The following TTN variants were observed in gnomAD, a reference collection of about 807,000 sequenced individuals.
The protein encoded by TTN is titin.
Under a neutral mutation model 3,223.0 loss-of-function variants are expected in TTN, and 1,525 were observed. The observed-to-expected ratio is 0.47, with a 90% CI of 0.45 to 0.49. The LOEUF (loss-of-function observed/expected upper bound fraction) is 0.49. TTN is among the 20% of genes least tolerant of loss of function. The pLI is 0.00. For missense variants in TTN, 40,786 were observed against 43,424.0 expected (o/e 0.94, Z 5.40); for synonymous variants, 14,094 against 15,161.0 (o/e 0.93, Z 5.17).
intron 217 of TTN, chr2:178,644,927 T>A (rs2061701525): frequency 3.9e-6 from 1 of 253,714 alleles, no homozygotes; most frequent in Non-Finnish European, 7.5e-6. Flanking sequence ...GTGTGTGTCT[T>A]CATGGAGTGT....
At position 178,634,400 on chromosome 2, in the gene TTN, C is replaced by G. The variant is rs750100548; in HGVS notation, c.42381G>C (p.Glu14127Asp). 1.2e-6 allele frequency: 2 copies of G among 1,610,878 alleles called. No individual in the cohort carries two copies. The highest frequency in any genetic ancestry group is 2.2e-5 in the East Asian group (1 of 44,674). Residue 14127 changes from glutamate to aspartate, a missense_variant, in exon 230 of 363, where the codon GAG becomes GAC. Physicochemically the swap from Glu to Asp is conservative, Grantham distance 45. Transcript: ENST00000589042. This position sits in a 1 kb window ranked among gnomAD's most constrained non-coding sequence, Gnocchi z 4.6. ...DDEGVYTAEV[E>D]GKKTSARLFV... ...ACAACCGAGCTGAGGTCTTCTTGCC[C>G]TCCACCTCAGCAGTATAGACCCCTT...
chr2:178,617,316 A>T lies in TTN; in HGVS notation c.47760+9T>A, dbSNP rs1445050055. ...ATTGAATATTCTTTTTTATATGCAA[A>T]TGACCTACCTTGTAAGTCAGTTCAG... is the stretch of plus-strand genomic sequence containing the variant. On this transcript the variant is annotated intron_variant, in intron 254 of 362. Transcript: ENST00000589042. The T allele has an allele frequency of 1.9e-6, 3 of 1,560,764 alleles. No individual in the cohort carries two copies.
chr2:178,612,416 G>C lies in TTN; in HGVS notation c.50109C>G (p.Thr16703=). 1 of 1,612,438 alleles carries C rather than the reference G, an allele frequency of 6.2e-7. No individual in the cohort carries two copies. The highest frequency in any genetic ancestry group is 8.5e-7 in the Non-Finnish European group (1 of 1,179,188). Reference sequence around the variant, plus strand: ...CTGTGCACTTGGTGTCCTTGACAGTGGTATCCACTGTTTGCCAGCCTTTTC... The same window carrying C: ...CTGTGCACTTGGTGTCCTTGACAGTCGTATCCACTGTTTGCCAGCCTTTTC... ...VRRKGWQTVD[T]TVKDTKCTVT... Residue 16703 remains threonine, a synonymous_variant, in exon 266 of 363, where the codon ACC becomes ACG. Coordinates refer to ENST00000589042, the MANE Select transcript of TTN (RefSeq NM_001267550.2).
At position 178,663,628 on chromosome 2, in the gene TTN, T is replaced by G. The variant is rs772875826; in HGVS notation, c.36531A>C (p.Lys12177Asn). Residue 12177 changes from lysine (K) to asparagine (N), a missense_variant and splice_region_variant, in exon 171 of 363, where the codon AAA (lysine) becomes AAC (asparagine). Lys to Asn is a moderately conservative substitution (Grantham distance 94). Transcript: ENST00000589042. ...PPKEPEVPPV[K>N]VPEAPKEVVP... ...AAGCCTAAAATCAGTGACAAATACC[T>G]TTAACAGGTGGGACTTCAGGCTCTT... 3 of 1,613,626 alleles carry G rather than the reference T, an allele frequency of 1.9e-6. No individual in the cohort carries two copies. In the African/African-American group the frequency reaches 4.0e-5, roughly 22 times the overall value.
Position 178,610,149 on chromosome 2 carries a change from T to A in TTN, c.51377A>T (p.Lys17126Met). Residue 17126 changes from lysine to methionine, a missense_variant, in exon 271 of 363, where the codon AAG becomes ATG. Lys to Met is a moderately conservative substitution (Grantham distance 95). Coordinates refer to ENST00000589042, the MANE Select transcript of TTN (RefSeq NM_001267550.2). The part of the protein sequence containing the change: ...EYFFRVKAVN[K>M]VGGGEYIELK... ...TTCAATATATTCTCCTCCACCAACC[T>A]TGTTGACTGCTTTAACACGGAAGAA... is the stretch of plus-strand genomic sequence containing the variant. 6.2e-7 allele frequency: 1 copy of A among 1,612,994 alleles called. No individual in the cohort carries two copies. The highest frequency in any genetic ancestry group is 8.5e-7 in the Non-Finnish European group (1 of 1,179,320).
At chr2:178,686,113 ATTTTTTTTTTT>A (rs765570520) in intron 127 of TTN, among the ~76,000 whole-genome samples, 2 of 77,812 alleles carry the variant, frequency 2.6e-5, no homozygotes, top group South Asian at 5.6e-4. Context: ...TACAGTTTTA[ATTTTTTTTTTT>A]TTTTTTTTTT....
In TTN at chr2:178,541,807, G is replaced by A. The variant is rs565489569; in HGVS notation, c.97493-223C>T. The A allele has an allele frequency of 1.4e-4, 36 of 250,788 alleles. No individual in the cohort carries two copies. The East Asian group carries it at 2.7e-3, about 19-fold the overall frequency. 15.5% of individuals were successfully genotyped at this position (250,788 alleles called of 1,614,324 possible). A position where few individuals can be genotyped will look rare whatever the true frequency, so the allele number is the denominator to read the frequency against. On this transcript the variant is annotated intron_variant, in intron 349 of 362. Coordinates refer to ENST00000589042, the MANE Select transcript of TTN (RefSeq NM_001267550.2). ...AAAAATTTTTGACTTTTAGCTTCAG[G>A]GGTACATGTGCAGTTTGTTACATGG... is the stretch of plus-strand genomic sequence containing the variant.
At position 178,725,392 on chromosome 2, in the gene TTN, T is replaced by C; in HGVS notation, c.20812A>G (p.Asn6938Asp). 1 of 1,590,558 alleles carries C rather than the reference T, an allele frequency of 6.3e-7. No homozygotes were observed. The highest frequency in any genetic ancestry group is 1.2e-5 in the South Asian group (1 of 86,300). Residue 6938 changes from asparagine (N) to aspartate (D), a missense_variant, in exon 71 of 363, where the codon AAC (asparagine) becomes GAC (aspartate). Transcript: ENST00000589042. Reference protein sequence around the residue: ...QIKNDGGMRENMATLMVLEPA... With the variant: ...QIKNDGGMREDMATLMVLEPA... ...CCTAAGACCATCAGTGTGGCCATGT[T>C]CTCCCTCATTCCACCATCATTCTTG...
rs779265208 is a variant in TTN, at chr2:178,528,749, T to G, written c.107002A>C (p.Ser35668Arg). Residue 35668 changes from serine (S) to arginine (R), a missense_variant, in exon 360 of 363, where the codon AGT (serine) becomes CGT (arginine). Ser to Arg is a moderately radical substitution (Grantham distance 110, BLOSUM62 -1). Transcript: ENST00000589042. Reference sequence around the variant, plus strand: ...GTGAGGATTCCTTCATCTCTGTGACTGGCTTGCTTGATGGTTAGGGTCTGA... The same window carrying G: ...GTGAGGATTCCTTCATCTCTGTGACGGGCTTGCTTGATGGTTAGGGTCTGA... ...SDQTLTIKQA[S>R]HRDEGILTCI... 6 of 1,613,162 alleles carry G rather than the reference T, an allele frequency of 3.7e-6. No homozygotes were observed. In the East Asian group the frequency reaches 1.1e-4, roughly 30 times the overall value.
At position 178,593,077 on chromosome 2, in the gene TTN, G is replaced by A. The variant is rs776257317; in HGVS notation, c.59042C>T (p.Pro19681Leu). 6.2e-7 allele frequency: 1 copy of A among 1,611,310 alleles called. No individual in the cohort carries two copies. The highest frequency in any genetic ancestry group is 1.1e-5 in the South Asian group (1 of 90,420). Residue 19681 changes from proline (P) to leucine (L), a missense_variant, in exon 300 of 363, where the codon CCA (proline) becomes CTA (leucine). Coordinates refer to ENST00000589042, the MANE Select transcript of TTN (RefSeq NM_001267550.2). ...TGCTTCAGGATTAACAGGTGGACTT[G>A]GTTTAGCTAAAAAATAAAAGTAAAA... is the stretch of plus-strand genomic sequence containing the variant. Reference protein sequence around the residue: ...PVFAKDPIAKPSPPVNPEAID... With the variant: ...PVFAKDPIAKLSPPVNPEAID...
At position 178,630,828 on chromosome 2, in the gene TTN, C is replaced by G; in HGVS notation, c.44130G>C (p.Lys14710Asn). The G allele has an allele frequency of 6.2e-7, 1 of 1,613,232 alleles. No individual in the cohort carries two copies. Among genetic ancestry groups the G allele is most frequent in the Non-Finnish European group, 8.5e-7 (1 of 1,179,420 alleles). The change falls in exon 238 of 363, where the codon AAG becomes AAC. Residue 14710 changes from lysine to asparagine, a missense_variant. Transcript: ENST00000589042. ...EDDIHANWKL[K>N]GEALLQTPDC... is the part of the protein sequence containing the mutation. The stretch of plus-strand genomic sequence containing the variant: ...CAGGTGTTTGGAGTAGGGCCTCTCC[C>G]TTGAGTTTCCAGTTGGCGTGGATAT...
chr2:178,630,074 T>A (rs1342473245), intron 239 of TTN, among the ~76,000 whole-genome samples, 167 bp downstream of exon 239: 2 of 152,108 alleles, frequency 1.3e-5, no homozygotes, highest in African/African-American at 4.8e-5. Context: ...AACTTTACGA[T>A]TTGAACCACT....
chr2:178,719,189 C>T lies in TTN; in HGVS notation c.24201G>A (p.Glu8067=). The T allele has an allele frequency of 3.1e-6, 5 of 1,613,518 alleles. No individual in the cohort carries two copies. The highest frequency in any genetic ancestry group is 2.5e-6 in the Non-Finnish European group (3 of 1,179,576). The change falls in exon 83 of 363, where the codon GAG becomes GAA. Residue 8067 remains glutamate (E), a synonymous_variant. Coordinates refer to ENST00000589042, the MANE Select transcript of TTN (RefSeq NM_001267550.2). ...CTTGCACAGTCAGGACTGCTGAGCACTCATCGGAACCAGCTACATTGGCAG... is the reference window on the plus strand; with the variant it reads ...CTTGCACAGTCAGGACTGCTGAGCATTCATCGGAACCAGCTACATTGGCAG... ...CVAANVAGSD[E]CSAVLTVQEP... is the part of the protein sequence containing the mutation.
At position 178,540,091 on chromosome 2, in the gene TTN, G is replaced by A. The variant is rs727505311; in HGVS notation, c.98075C>T (p.Thr32692Ile). ...GPGEPAEVPGTVKVTEMLEYP... is the reference protein window; with the variant it reads ...GPGEPAEVPGIVKVTEMLEYP... ...ACCAAGCATTTCAGTGACTTTGACT[G>A]TTCCTGGTACCTCAGCAGGCTCACC... The change falls in exon 351 of 363, where the codon ACA becomes ATA. Residue 32692 changes from threonine to isoleucine, a missense_variant. Thr to Ile is a moderately conservative substitution (Grantham distance 89). Transcript: ENST00000589042. The A allele has an allele frequency of 6.2e-7, 1 of 1,606,078 alleles. No individual in the cohort carries two copies.
At chr2:178,780,970 C>T (rs1194863655) in intron 21 of TTN, 151 bp downstream of exon 21, 1 of 974,926 alleles carries the variant, frequency 1.0e-6, no homozygotes, top group East Asian at 2.6e-5. Context: ...GCCATGTGGT[C>T]TAAAACATTT....
At chr2:178,728,044 G>T in intron 67 of TTN, 66 bp downstream of exon 67, 1 of 1,472,568 alleles carries the variant, frequency 6.8e-7, no homozygotes, top group Non-Finnish European at 9.0e-7. Flanking sequence ...AGGATACAAA[G>T]GCAAGAGTGA....
At chr2:178,747,855 TA>T in intron 47 of TTN, 1 of 1,613,036 alleles carries the variant, frequency 6.2e-7, no homozygotes, top group Non-Finnish European at 8.5e-7. Flanking sequence ...TGAATGTTTG[TA>T]CTTATTTGTT....
chr2:178,629,577 C>G (rs369116497), intron 239 of TTN, 134 bp from the exon 240 acceptor site: 17 of 1,317,100 alleles, frequency 1.3e-5, no homozygotes, highest in East Asian at 9.6e-5. Flanking sequence ...TTAACTCCCA[C>G]GTGAACGTGG....
At chr2:178,675,460 T>A (rs1339781426) in intron 149 of TTN, among the ~76,000 whole-genome samples, 1 of 151,804 alleles carries the variant, frequency 6.6e-6, no homozygotes, top group Non-Finnish European at 1.5e-5. Flanking sequence ...TTTTATTTTT[T>A]AGAAACAACA....
Sources: allele counts gnomAD v4.1 joint callset (sites outside exome capture counted in the v4.1 genomes callset), GRCh38; gene constraint gnomAD v4.1.1; non-coding constraint Gnocchi (gnomAD v3.1); transcripts MANE v1.5; gene names NCBI Gene and HGNC (gene_info 2026-07-23, HGNC 2026-07-21).